Variants in FGGY observed in about 807,000 individuals in gnomAD.
The protein encoded by FGGY is FGGY carbohydrate kinase domain containing.
FGGY carries 72 observed loss-of-function variants against 71.3 expected under a neutral mutation model. The observed-to-expected ratio is 1.01, with a 90% confidence interval of 0.84 to 1.23. The LOEUF is 1.23. FGGY is among the 50% of genes most tolerant of loss of function. The pLI is 0.00. For missense variants in FGGY, 668 were observed against 682.3 expected (o/e 0.98, Z 0.23); for synonymous variants, 251 against 250.3 (o/e 1.00, Z -0.02).
intron 1 of FGGY, among the ~76,000 whole-genome samples, chr1:59,300,760 G>A (rs1004548876): frequency 3.3e-5 from 5 of 151,740 alleles, no homozygotes; most frequent in Admixed American, 1.3e-4. Flanking sequence ...AATTGCCTTT[G>A]CACCTTTGTT....
chr1:59,580,648 T>C (rs1352162759), intron 8 of FGGY, among the ~76,000 whole-genome samples: 1 of 152,178 alleles, frequency 6.6e-6, no homozygotes, highest in African/African-American at 2.4e-5. Context: ...CAGGTCCTTC[T>C]CATGTTGTAG....
intron 8 of FGGY, among the ~76,000 whole-genome samples, chr1:59,594,634 C>A (rs1278601562): frequency 6.6e-6 from 1 of 152,174 alleles, no homozygotes; most frequent in East Asian, 1.9e-4. Context: ...CTCAGTCACA[C>A]CCTATGAGAG....
At chr1:59,633,991 A>G (rs2096932442) in intron 10 of FGGY, among the ~76,000 whole-genome samples, 2 of 152,230 alleles carry the variant, frequency 1.3e-5, no homozygotes, top group Non-Finnish European at 2.9e-5. Flanking sequence ...AGGAGTGGTC[A>G]AATGATGTAA....
At chr1:59,633,202 G>A (rs2096924726) in intron 10 of FGGY, among the ~76,000 whole-genome samples, 1 of 151,960 alleles carries the variant, frequency 6.6e-6, no homozygotes, top group African/African-American at 2.4e-5. Context: ...AGTAGAGACG[G>A]GGTTTCACCG....
chr1:59,539,009 A>G (rs1303221751), intron 7 of FGGY, among the ~76,000 whole-genome samples: 1 of 152,188 alleles, frequency 6.6e-6, no homozygotes, highest in Non-Finnish European at 1.5e-5. Flanking sequence ...AATAAAATAA[A>G]TAAAAATGTT....
chr1:59,347,496 CATT>C (rs2052320144), intron 4 of FGGY, among the ~76,000 whole-genome samples: 1 of 152,048 alleles, frequency 6.6e-6, no homozygotes, highest in Non-Finnish European at 1.5e-5. Flanking sequence ...TCCAGTCTAT[CATT>C]GTTGGACATT....
rs765541096 is a variant in FGGY at position 59,638,266 on chromosome 1, A to T, written c.1112A>T (p.Asp371Val). The change falls in exon 11 of 16, where the codon GAT (aspartate) becomes GTT (valine). Residue 371 changes from aspartate (D) to valine (V), a missense_variant. By Grantham distance (152) the Asp-to-Val change is radical (BLOSUM62 -3). Transcript: ENST00000303721. ...TATGCATATTTGAACAGTCACCTGG[A>T]TCTGATTAAGAAGGCTCAGCCTGTG... ...SIYAYLNSHL[D>V]LIKKAQPVGF... The T allele has an allele frequency of 3.1e-5, 50 of 1,614,032 alleles. 1 individual carries two copies. In the South Asian group the frequency reaches 5.2e-4, roughly 17 times the overall value.
intron 7 of FGGY, among the ~76,000 whole-genome samples, chr1:59,531,209 T>A (rs1395131602): frequency 6.6e-6 from 1 of 152,330 alleles, no homozygotes; most frequent in African/African-American, 2.4e-5. Flanking sequence ...CTTCTACAAG[T>A]CACCTCTTTA....
chr1:59,373,534 T>G (rs928010984), intron 4 of FGGY, among the ~76,000 whole-genome samples: 2 of 152,094 alleles, frequency 1.3e-5, no homozygotes, highest in African/African-American at 2.4e-5. Context: ...AATGACTTTC[T>G]TCACAGAATT....
At chr1:59,436,945 C>A (rs1557919386) in intron 5 of FGGY, among the ~76,000 whole-genome samples, 1 of 152,186 alleles carries the variant, frequency 6.6e-6, no homozygotes. Flanking sequence ...TCCAAACTCT[C>A]CCATGACACT....
At chr1:59,371,770 A>G (rs1344850751) in intron 4 of FGGY, among the ~76,000 whole-genome samples, 1 of 152,166 alleles carries the variant, frequency 6.6e-6, no homozygotes, top group East Asian at 1.9e-4. Context: ...AAAACTGCTC[A>G]ACTACATGGA....
At chr1:59,572,399 A>G in intron 8 of FGGY, among the ~76,000 whole-genome samples, 1 of 152,204 alleles carries the variant, frequency 6.6e-6, no homozygotes. Context: ...TGCTACAAGT[A>G]AAGGCTGGAG....
chr1:59,418,593 AAG>A (rs1224811029), intron 5 of FGGY, among the ~76,000 whole-genome samples: 9 of 152,188 alleles, frequency 5.9e-5, no homozygotes, highest in Admixed American at 6.5e-5. Flanking sequence ...TACATGTGAA[AAG>A]AGGAGTGGGG....
At chr1:59,749,196 C>A (rs1410689140) in intron 14 of FGGY, among the ~76,000 whole-genome samples, 1 of 152,128 alleles carries the variant, frequency 6.6e-6, no homozygotes, top group Admixed American at 6.5e-5. Context: ...TGAATTTTAT[C>A]CTTTATAATA....
rs2046394966 is a variant in FGGY at position 59,321,597 on chromosome 1, C to CTAT, written c.48_49insTAT (p.Asp16_Val17insTyr). 1.2e-6 allele frequency: 2 copies of CTAT among 1,613,738 alleles called. No individual in the cohort carries two copies. Among genetic ancestry groups the CTAT allele is most frequent in the African/African-American group, 2.7e-5 (2 of 74,888 alleles). ...CAGAGAGGTACTATGTGGGTGTGGA[C>CTAT]GTTGGAACAGGCAGTGTCCGTGCAG... is the stretch of plus-strand genomic sequence containing the variant. On this transcript the variant is annotated inframe_insertion, in exon 2 of 16. Coordinates refer to ENST00000303721, the MANE Select transcript of FGGY (RefSeq NM_018291.5).
intron 5 of FGGY, among the ~76,000 whole-genome samples, chr1:59,388,188 A>G (rs1380043108): frequency 6.6e-6 from 1 of 152,088 alleles, no homozygotes; most frequent in Non-Finnish European, 1.5e-5. Flanking sequence ...ACCCTATCTC[A>G]AGTCTAGCAG....
chr1:59,666,607 A>G (rs901588753), intron 12 of FGGY, among the ~76,000 whole-genome samples: 1 of 152,214 alleles, frequency 6.6e-6, no homozygotes, highest in Non-Finnish European at 1.5e-5. Context: ...GAAGATATTA[A>G]TGCACAAGAA....
At chr1:59,430,257 G>T (rs1309979417) in intron 5 of FGGY, among the ~76,000 whole-genome samples, 1 of 152,146 alleles carries the variant, frequency 6.6e-6, no homozygotes, top group African/African-American at 2.4e-5. Flanking sequence ...ATCTTTCACA[G>T]CAGTGTCAAC....
chr1:59,500,657 T>C (rs2094194656), intron 6 of FGGY, among the ~76,000 whole-genome samples: 1 of 120,150 alleles, frequency 8.3e-6, no homozygotes, highest in Non-Finnish European at 1.6e-5. Context: ...CACACTGCCT[T>C]CTTGCCAAAA....
Sources: gnomAD v4.1 joint callset for allele counts (sites outside exome capture counted in the v4.1 genomes callset) on GRCh38, gnomAD v4.1.1 for gene constraint, MANE v1.5 for transcripts, NCBI Gene and HGNC (gene_info 2026-07-23, HGNC 2026-07-21) for gene names.